SLC8A1: variants seen among roughly 807,000 people sequenced by gnomAD.
The protein encoded by SLC8A1 is sodium/calcium exchanger 1.
A neutral mutation model predicts 68.3 loss-of-function variants in SLC8A1; 18 were observed. That is an observed-to-expected ratio of 0.26 (90% confidence interval 0.18 to 0.39). The LOEUF (loss-of-function observed/expected upper bound fraction) is 0.39, where lower values mean the gene tolerates loss of function less well. Among genes scored for constraint, SLC8A1 ranks in the 10% least tolerant of loss-of-function variants. The pLI is 1.00. For synonymous variants in SLC8A1, 475 were observed against 415.5 expected (o/e 1.14, Z -1.74); for missense variants, 985 against 1,156.7 (o/e 0.85, Z 2.15).
At chr2:40,279,638 G>T (rs976015086) in intron 2 of SLC8A1, among the ~76,000 whole-genome samples, 7 of 152,270 alleles carry the variant, frequency 4.6e-5, no homozygotes, top group Admixed American at 3.9e-4. Flanking sequence ...ATAGGGTCTG[G>T]CATATCTCTT....
rs571403529 is a variant in SLC8A1, at chr2:40,107,279, C to CAAAAAAAAAAAAAAAAGAAAAA, written c.*7973_*7974insTTTTTCTTTTTTTTTTTTTTTT. The CAAAAAAAAAAAAAAAAGAAAAA allele has an allele frequency of 4.8e-4, 31 of 64,904 alleles. 1 individual carries two copies. Among genetic ancestry groups the CAAAAAAAAAAAAAAAAGAAAAA allele is most frequent in the Non-Finnish European group, 7.3e-4 (25 of 34,152 alleles). The allele number at this position is 64,904 out of a possible 1,614,324, so 4.0% of individuals were successfully genotyped here. ...TGGGCGACAGAGCGAGACTCCGTCT[C>CAAAAAAAAAAAAAAAAGAAAAA]AAAAAAAAAAAAAAAAAAAAGAAAA... On this transcript the variant is annotated 3_prime_UTR_variant, in exon 8 of 8. Transcript: ENST00000406785.
chr2:40,134,608 C>T (rs2148240047), intron 7 of SLC8A1, among the ~76,000 whole-genome samples: 1 of 152,274 alleles, frequency 6.6e-6, no homozygotes, highest in East Asian at 1.9e-4. Flanking sequence ...CAGATATGTC[C>T]TATTCAAGAA....
chr2:40,368,093 T>G (rs776522546), intron 2 of SLC8A1, among the ~76,000 whole-genome samples: 5 of 152,102 alleles, frequency 3.3e-5, no homozygotes, highest in Non-Finnish European at 5.9e-5. Flanking sequence ...GTAGCTCTGA[T>G]TAAGCAGTTA....
exon 8 of SLC8A1, chr2:40,111,310 C>T (rs942597660): frequency 4.6e-5 from 7 of 152,092 alleles, no homozygotes; most frequent in African/African-American, 1.4e-4. Context: ...TTGAATTAAT[C>T]TTTTTGCTAT....
intron 2 of SLC8A1, among the ~76,000 whole-genome samples, chr2:40,209,374 G>A (rs997597238): frequency 1.8e-4 from 28 of 152,126 alleles, no homozygotes; most frequent in Non-Finnish European, 2.9e-4. Flanking sequence ...AAGGTTTAAG[G>A]ACATTTCTAT....
intron 7 of SLC8A1, among the ~76,000 whole-genome samples, chr2:40,123,604 G>T (rs926609997): frequency 2.0e-5 from 3 of 152,022 alleles, no homozygotes; most frequent in Admixed American, 6.6e-5. Context: ...CTTTAAAATG[G>T]GCTGGAATGA....
chr2:40,292,996 C>A (rs544319336), intron 2 of SLC8A1, among the ~76,000 whole-genome samples: 1 of 152,236 alleles, frequency 6.6e-6, no homozygotes, highest in South Asian at 2.1e-4. Flanking sequence ...AACTCTGGAT[C>A]ACTCTGCTCC....
At chr2:40,265,935 A>C (rs1385061764) in intron 2 of SLC8A1, among the ~76,000 whole-genome samples, 1 of 152,178 alleles carries the variant, frequency 6.6e-6, no homozygotes, top group East Asian at 1.9e-4. Flanking sequence ...TCCAAGGCCA[A>C]ATGCTTCCAA....
intron 1 of SLC8A1, among the ~76,000 whole-genome samples, chr2:40,459,399 C>T (rs900962749): frequency 2.6e-5 from 4 of 151,814 alleles, no homozygotes; most frequent in Non-Finnish European, 4.4e-5. Context: ...TTGTTTCTGC[C>T]CTGTACTGAG....
intron 2 of SLC8A1, among the ~76,000 whole-genome samples, chr2:40,388,949 C>T (rs985662508): frequency 6.6e-6 from 1 of 152,096 alleles, no homozygotes; most frequent in African/African-American, 2.4e-5. Context: ...CAAAGGATAA[C>T]ATAATGAAGC....
At chr2:40,433,248 T>C (rs1196640882) in intron 1 of SLC8A1, among the ~76,000 whole-genome samples, 4 of 152,168 alleles carry the variant, frequency 2.6e-5, no homozygotes, top group Non-Finnish European at 5.9e-5. Flanking sequence ...AGACCTTTTA[T>C]GATCTGGCAT....
chr2:40,189,206 C>A (rs1284345973), intron 2 of SLC8A1, among the ~76,000 whole-genome samples: 1 of 152,092 alleles, frequency 6.6e-6, no homozygotes, highest in African/African-American at 2.4e-5. Flanking sequence ...TCATAAATTG[C>A]CAGAAGGAAT....
chr2:40,373,321 G>A (rs1048210478), intron 2 of SLC8A1, among the ~76,000 whole-genome samples: 1 of 152,050 alleles, frequency 6.6e-6, no homozygotes. Context: ...TCCTCTGCCA[G>A]GGTCAATCTC....
At chr2:40,167,658 G>T (rs932147517) in intron 4 of SLC8A1, among the ~76,000 whole-genome samples, 1 of 152,080 alleles carries the variant, frequency 6.6e-6, no homozygotes, top group East Asian at 1.9e-4. Context: ...ATCCCTTTAT[G>T]TATTCACCTG....
At chr2:40,308,239 T>C (rs976014003) in intron 2 of SLC8A1, among the ~76,000 whole-genome samples, 3 of 152,044 alleles carry the variant, frequency 2.0e-5, no homozygotes, top group African/African-American at 7.2e-5. Context: ...CTATTATGAA[T>C]AAAAAACCTT....
intron 2 of SLC8A1, among the ~76,000 whole-genome samples, chr2:40,427,358 G>T (rs781447576): frequency 2.6e-5 from 4 of 151,922 alleles, no homozygotes; most frequent in African/African-American, 7.3e-5. Context: ...TGCCATTATC[G>T]TAAGAGTTAA....
In SLC8A1 at chr2:40,200,246, A is replaced by ATATG. The variant is rs1558723333; in HGVS notation, c.1809-22392_1809-22391insCATA. On this transcript the variant is annotated intron_variant, in intron 2 of 7. Coordinates refer to ENST00000406785, the Ensembl canonical transcript of SLC8A1. ...TTTTTATATATATATATAAATATAT[A>ATATG]TATATATATATATATATATATAACC... is the stretch of plus-strand genomic sequence containing the variant. Among the ~76,000 whole-genome samples the ATATG allele has an allele frequency of 1.1e-3, 20 of 17,536 alleles. 2 individuals are homozygous for ATATG. Among genetic ancestry groups the ATATG allele is most frequent in the African/African-American group, 2.6e-3 (18 of 6,870 alleles). 11.5% of individuals were successfully genotyped at this position (17,536 alleles called of 152,430 possible).
Position 40,352,995 on chromosome 2 carries a change from C to G in SLC8A1, c.1808+75478G>C, listed in dbSNP as rs185130983. 5.1e-3 allele frequency among the ~76,000 whole-genome samples: 771 copies of G among 152,242 alleles called. 7 individuals are homozygous for G. The highest frequency in any genetic ancestry group is 8.7e-3 in the Non-Finnish European group (591 of 68,016). The stretch of plus-strand genomic sequence containing the variant: ...CTCTCACTTACGGAAGGTCCACACC[C>G]CAGCCTTATTTTTAAGGCCTTATCT... On this transcript the variant is annotated intron_variant, in intron 2 of 7. Coordinates refer to ENST00000406785, the Ensembl canonical transcript of SLC8A1.
intron 1 of SLC8A1, among the ~76,000 whole-genome samples, chr2:40,472,006 A>G (rs775070128): frequency 2.6e-5 from 4 of 152,146 alleles, no homozygotes; most frequent in Non-Finnish European, 2.9e-5. Context: ...GGAGAGGAGG[A>G]GACTGCGGTT....
Sources: allele counts gnomAD v4.1 joint callset (sites outside exome capture counted in the v4.1 genomes callset), GRCh38; gene constraint gnomAD v4.1.1; transcripts MANE v1.5; gene names NCBI Gene and HGNC (gene_info 2026-07-23, HGNC 2026-07-21).